Variants in NBAS observed in about 807,000 individuals in gnomAD.
NBAS encodes the protein NAG/BC035112 fusion.
NBAS carries 219 observed loss-of-function variants against 302.5 expected under a neutral mutation model. The observed-to-expected ratio is 0.72, with a 90% confidence interval of 0.65 to 0.81. The LOEUF is 0.81. Ranked by LOEUF, NBAS falls within the 30% of genes least tolerant of loss-of-function variation. The pLI, the probability that NBAS is intolerant of heterozygous loss-of-function variation, is 0.00. For synonymous variants in NBAS, 1,118 were observed against 1,021.6 expected, an observed-to-expected ratio of 1.09 and a Z score of -1.80; for missense variants, 2,932 against 2,841.6, an observed-to-expected ratio of 1.03 and a Z score of -0.72.
intron 35 of NBAS, 90 bp from the exon 36 acceptor site, chr2:15,330,855 G>T: frequency 7.3e-7 from 1 of 1,365,944 alleles, no homozygotes; most frequent in Non-Finnish European, 1.0e-6. Flanking sequence ...AAAATGATCA[G>T]ATATTAAACT....
chr2:15,123,276 A>C, the NBAS span, among the ~76,000 whole-genome samples: 2 of 152,204 alleles, frequency 1.3e-5, no homozygotes, highest in African/African-American at 2.4e-5. Context: ...TATTGAGACC[A>C]ATACCCCCAT....
rs940976503 is a variant in NBAS, at chr2:15,552,645, T to C, written c.335+781A>G. On this transcript the variant is annotated intron_variant, in intron 5 of 51. Transcript: ENST00000281513. ...AATAAAACACCTGAAAAGTCCAGCT[T>C]AGAGATGTCTTTTAGATGTGTATAT... 3.9e-5 allele frequency among the ~76,000 whole-genome samples: 6 copies of C among 152,292 alleles called. No homozygotes were observed. In the South Asian group the frequency reaches 1.0e-3, roughly 26 times the overall value.
the NBAS span, among the ~76,000 whole-genome samples, chr2:14,829,329 G>A: frequency 5.3e-5 from 8 of 152,066 alleles, no homozygotes; most frequent in Non-Finnish European, 1.0e-4. Context: ...TTCCAGAGAC[G>A]TAGAATGAAT....
chr2:15,523,512 T>A (rs996865506), intron 9 of NBAS, among the ~76,000 whole-genome samples: 1 of 152,316 alleles, frequency 6.6e-6, no homozygotes, highest in African/African-American at 2.4e-5. Flanking sequence ...ATGCAAATAC[T>A]ATACCACTTC....
At chr2:15,373,840 T>A (rs1285197856) in intron 31 of NBAS, among the ~76,000 whole-genome samples, 1 of 152,034 alleles carries the variant, frequency 6.6e-6, no homozygotes, top group Non-Finnish European at 1.5e-5. Context: ...AGAACAGAGA[T>A]AACAGATTAC....
chr2:15,077,720 G>T, the NBAS span, among the ~76,000 whole-genome samples: 1 of 147,002 alleles, frequency 6.8e-6, no homozygotes, highest in African/African-American at 2.6e-5. Flanking sequence ...GTCTCGCTCT[G>T]TTGCCTAGGC....
At chr2:15,275,425 G>A in intron 44 of NBAS, 59 bp downstream of exon 44, 1 of 1,495,428 alleles carries the variant, frequency 6.7e-7, no homozygotes, top group Admixed American at 2.0e-5. Context: ...ACAGAATGTA[G>A]GAGAAATTTT....
intron 35 of NBAS, among the ~76,000 whole-genome samples, chr2:15,335,467 G>C (rs1316510047): frequency 2.0e-5 from 3 of 152,162 alleles, no homozygotes; most frequent in African/African-American, 7.2e-5. Context: ...AAGAGTTCTG[G>C]TTGCTCCACA....
At chr2:15,084,201 A>G in the NBAS span, among the ~76,000 whole-genome samples, 1 of 152,094 alleles carries the variant, frequency 6.6e-6, no homozygotes. Context: ...GGTGTCCACC[A>G]CCACCTATAG....
At chr2:15,491,205 A>C (rs962739867) in intron 11 of NBAS, among the ~76,000 whole-genome samples, 1 of 152,208 alleles carries the variant, frequency 6.6e-6, no homozygotes, top group Non-Finnish European at 1.5e-5. Flanking sequence ...GAAGCAGGTC[A>C]TAAAATCTAG....
chr2:15,278,330 T>C (rs1669677645), intron 42 of NBAS, among the ~76,000 whole-genome samples: 1 of 152,192 alleles, frequency 6.6e-6, no homozygotes, highest in Admixed American at 6.5e-5. Context: ...AGAATATCTC[T>C]ATCTATAAAT....
the NBAS span, among the ~76,000 whole-genome samples, chr2:14,842,154 A>G: frequency 6.6e-6 from 1 of 151,936 alleles, no homozygotes. Flanking sequence ...TGGAAATACA[A>G]CATAAAAAGT....
intron 21 of NBAS, among the ~76,000 whole-genome samples, chr2:15,451,193 G>C (rs1678991583): frequency 6.6e-6 from 1 of 152,144 alleles, no homozygotes; most frequent in African/African-American, 2.4e-5. Context: ...TGGGGCTACA[G>C]AAGTGTGCCA....
chr2:15,146,662 G>A, the NBAS span, among the ~76,000 whole-genome samples: 1 of 152,148 alleles, frequency 6.6e-6, no homozygotes, highest in Non-Finnish European at 1.5e-5. Context: ...AGGATGCAGT[G>A]AGTCTGGGAC....
At chr2:15,560,551 G>T (rs1664863172) in intron 1 of NBAS, among the ~76,000 whole-genome samples, 1 of 152,026 alleles carries the variant, frequency 6.6e-6, no homozygotes. Context: ...ATTCATCTCT[G>T]TATCCTTAGC....
chr2:15,496,157 A>G (rs925081307), intron 11 of NBAS, among the ~76,000 whole-genome samples: 1 of 151,960 alleles, frequency 6.6e-6, no homozygotes, highest in African/African-American at 2.4e-5. Flanking sequence ...ATAAAAAGAA[A>G]TGAAATACTG....
chr2:15,161,214 C>T, the NBAS span, among the ~76,000 whole-genome samples: 23 of 152,168 alleles, frequency 1.5e-4, 1 homozygote, highest in Non-Finnish European at 2.1e-4. Context: ...GTGGGGGATA[C>T]TATCTGTTTC....
intron 9 of NBAS, among the ~76,000 whole-genome samples, chr2:15,533,315 T>C (rs531162023): frequency 6.6e-6 from 1 of 152,338 alleles, no homozygotes; most frequent in South Asian, 2.1e-4. Context: ...GAAGAATGCA[T>C]AATTATTTCT....
At chr2:15,247,868 ACACCC>A (rs1387971991) in intron 44 of NBAS, among the ~76,000 whole-genome samples, 1 of 152,084 alleles carries the variant, frequency 6.6e-6, no homozygotes, top group East Asian at 1.9e-4. Flanking sequence ...GGAGACTTTA[ACACCC>A]CACTGTCAAT....
Sources: allele counts gnomAD v4.1 joint callset (sites outside exome capture counted in the v4.1 genomes callset), GRCh38; gene constraint gnomAD v4.1.1; transcripts MANE v1.5; gene names NCBI Gene and HGNC (gene_info 2026-07-23, HGNC 2026-07-21).